The following PRKN variants were observed in gnomAD, a reference collection of about 807,000 sequenced individuals.
PRKN encodes parkin RBR E3 ubiquitin protein ligase.
Under a neutral mutation model 59.5 loss-of-function variants are expected in PRKN, and 56 were observed. The observed-to-expected ratio is 0.94, with a 90% CI of 0.76 to 1.18. The LOEUF (loss-of-function observed/expected upper bound fraction) is 1.18, where lower values mean the gene tolerates loss of function less well. PRKN is among the 50% of genes most tolerant of loss of function. PRKN has a pLI of 0.00. For missense variants in PRKN, 657 were observed against 596.4 expected, an observed-to-expected ratio of 1.10 and a Z score of -1.06; for synonymous variants, 250 against 222.1, an observed-to-expected ratio of 1.13 and a Z score of -1.12.
intron 6 of PRKN, among the ~76,000 whole-genome samples, chr6:161,787,339 G>T (rs1039768117): frequency 6.6e-6 from 1 of 152,150 alleles, no homozygotes; most frequent in Non-Finnish European, 1.5e-5. Context: ...GAGCAAGGGC[G>T]CACCTAAAGG....
In PRKN at chr6:161,661,333, C is replaced by T. The variant is rs548890558; in HGVS notation, c.872-91917G>A. Among the ~76,000 whole-genome samples, 7 of 152,342 alleles carry T rather than the reference C, an allele frequency of 4.6e-5. No individual in the cohort carries two copies. The South Asian group carries it at 1.0e-3, about 23-fold the overall frequency. ...ACTGGGCCCTGGCAGGTTACATCCA[C>T]TGCTGTCTACTCAACCACACAGGAG... On this transcript the variant is annotated intron_variant, in intron 7 of 11. Transcript: ENST00000366898.
intron 1 of PRKN, among the ~76,000 whole-genome samples, chr6:162,597,129 T>A (rs915524664): frequency 6.6e-6 from 1 of 152,232 alleles, no homozygotes; most frequent in Non-Finnish European, 1.5e-5. Flanking sequence ...TTGTGTTAAT[T>A]TAAACTTGAT....
intron 9 of PRKN, among the ~76,000 whole-genome samples, chr6:161,408,416 T>C (rs1787377256): frequency 6.6e-6 from 1 of 150,690 alleles, no homozygotes; most frequent in South Asian, 2.1e-4. Flanking sequence ...TCTAGAAAGC[T>C]CTACAGCAAT....
rs1049220603 is a variant in PRKN, at chr6:161,372,097, T to C, written c.1168-11892A>G. Among the ~76,000 whole-genome samples, 1 of 152,210 alleles carries C rather than the reference T, an allele frequency of 6.6e-6. No individual in the cohort carries two copies. Among genetic ancestry groups the C allele is most frequent in the Non-Finnish European group, 1.5e-5 (1 of 68,038 alleles). ...AATTAAAATAATATCTATCAACCTATTTTGAGATTAATGGGGGAAATGGAA... is the reference window on the plus strand; with the variant it reads ...AATTAAAATAATATCTATCAACCTACTTTGAGATTAATGGGGGAAATGGAA... On this transcript the variant is annotated intron_variant, in intron 10 of 11. Coordinates refer to ENST00000366898, the MANE Select transcript of PRKN (RefSeq NM_004562.3). This position sits in a 1 kb window ranked among gnomAD's most constrained non-coding sequence, Gnocchi z 4.2.
chr6:162,718,661 C>T (rs1029508485), intron 1 of PRKN, among the ~76,000 whole-genome samples: 2 of 151,678 alleles, frequency 1.3e-5, no homozygotes, highest in Admixed American at 6.6e-5. Context: ...TACAGTGAGC[C>T]GCGATCACGC....
intron 7 of PRKN, among the ~76,000 whole-genome samples, chr6:161,632,777 G>A (rs1200407268): frequency 6.6e-6 from 1 of 152,194 alleles, no homozygotes; most frequent in Non-Finnish European, 1.5e-5. Context: ...CACGGAGGCA[G>A]CAAGGAGAAG....
At chr6:162,028,918 G>A (rs1175531301) in intron 5 of PRKN, among the ~76,000 whole-genome samples, 3 of 152,192 alleles carry the variant, frequency 2.0e-5, no homozygotes, top group Non-Finnish European at 2.9e-5. Flanking sequence ...TGCTGTGAAC[G>A]CACATTTCCT....
At chr6:162,671,256 T>C (rs1318818729) in intron 1 of PRKN, among the ~76,000 whole-genome samples, 1 of 152,052 alleles carries the variant, frequency 6.6e-6, no homozygotes, top group African/African-American at 2.4e-5. Flanking sequence ...ATCCCAGCAC[T>C]TTGGGAGGCC....
chr6:162,287,605 A>G (rs1372945515), intron 2 of PRKN, among the ~76,000 whole-genome samples: 2 of 152,158 alleles, frequency 1.3e-5, no homozygotes, highest in East Asian at 1.9e-4. Context: ...AATTATGAAC[A>G]TAAGAAAAGG....
At chr6:162,462,860 G>A (rs1354314355) in intron 1 of PRKN, among the ~76,000 whole-genome samples, 2 of 152,058 alleles carry the variant, frequency 1.3e-5, no homozygotes, top group African/African-American at 2.4e-5. Context: ...TTTGGAGGCC[G>A]AGGTGGGTGC....
rs193212224 is a variant in PRKN at position 162,212,929 on chromosome 6, T to C, written c.413-11677A>G. ...AGGTAATGTGACATTATGAGGGCTA[T>C]GATATGACTGGGTGATAGAAACTTT... On this transcript the variant is annotated intron_variant, in intron 3 of 11. Coordinates refer to ENST00000366898, the MANE Select transcript of PRKN (RefSeq NM_004562.3). Among the ~76,000 whole-genome samples the C allele has an allele frequency of 4.6e-5, 7 of 152,352 alleles. No individual in the cohort carries two copies. In the East Asian group the frequency reaches 1.3e-3, roughly 29 times the overall value.
At chr6:162,543,587 T>TG (rs1779005561) in intron 1 of PRKN, among the ~76,000 whole-genome samples, 1 of 152,130 alleles carries the variant, frequency 6.6e-6, no homozygotes, top group African/African-American at 2.4e-5. Context: ...CAAAAGGACC[T>TG]TCCCCCAAAC....
At chr6:161,883,832 T>G (rs1239054352) in intron 6 of PRKN, among the ~76,000 whole-genome samples, 1 of 151,964 alleles carries the variant, frequency 6.6e-6, no homozygotes. Context: ...TTTGTATTTT[T>G]GGTAGAGACG....
At chr6:162,225,886 GTA>G (rs58925653) in intron 3 of PRKN, among the ~76,000 whole-genome samples, 28,200 of 143,018 alleles carry the variant, frequency 0.2, 2,785 homozygotes, top group South Asian at 0.28. Context: ...ATGTAGGGCT[GTA>G]TATATATATA....
chr6:162,390,371 T>C, intron 2 of PRKN, among the ~76,000 whole-genome samples: 1 of 93,422 alleles, frequency 1.1e-5, no homozygotes, highest in African/African-American at 4.9e-5. Context: ...ATTATACTGC[T>C]AAGGTATATA....
At chr6:162,160,773 C>T (rs1357836908) in intron 4 of PRKN, among the ~76,000 whole-genome samples, 1 of 151,440 alleles carries the variant, frequency 6.6e-6, no homozygotes, top group African/African-American at 2.4e-5. Context: ...CTCCTGTAGT[C>T]CCAGCTACTC....
At chr6:162,399,743 T>C (rs1370426577) in intron 2 of PRKN, among the ~76,000 whole-genome samples, 1 of 148,582 alleles carries the variant, frequency 6.7e-6, no homozygotes, top group Non-Finnish European at 1.5e-5. Flanking sequence ...AGAGCAGAAA[T>C]ACAAGAGCTG....
At chr6:161,732,897 A>G (rs1456616060) in intron 7 of PRKN, among the ~76,000 whole-genome samples, 1 of 152,204 alleles carries the variant, frequency 6.6e-6, no homozygotes, top group Non-Finnish European at 1.5e-5. Flanking sequence ...TTGCCTCAGG[A>G]GAATTTTCTA....
chr6:162,363,046 T>C (rs1785229134), intron 2 of PRKN, among the ~76,000 whole-genome samples: 1 of 144,130 alleles, frequency 6.9e-6, no homozygotes, highest in Admixed American at 7.4e-5. Flanking sequence ...GAGAATGGCA[T>C]GAACCCAGGA....
Sources: gnomAD v4.1 joint callset for allele counts (sites outside exome capture counted in the v4.1 genomes callset) on GRCh38, gnomAD v4.1.1 for gene constraint, Gnocchi (gnomAD v3.1) non-coding constraint, MANE v1.5 for transcripts, NCBI Gene and HGNC (gene_info 2026-07-23, HGNC 2026-07-21) for gene names.